HMCN1: variants seen among roughly 807,000 people sequenced by gnomAD.
HMCN1 encodes hemicentin-1.
In HMCN1, 321 loss-of-function variants were observed where a neutral mutation model predicts 625.9. That is an observed-to-expected ratio of 0.51 (90% CI 0.47 to 0.56). HMCN1 has a LOEUF of 0.56. HMCN1 is among the 20% of genes least tolerant of loss of function. The probability of loss-of-function intolerance (pLI) is 0.00; values close to 1 mark genes in which losing one functional copy is unlikely to be tolerated. For missense variants in HMCN1, 6,588 were observed against 6,887.3 expected (o/e 0.96, Z 1.54); for synonymous variants, 2,425 against 2,417.6 (o/e 1.00, Z -0.09).
chr1:185,999,898 G>A, intron 25 of HMCN1, 147 bp from the exon 26 acceptor site: 2 of 611,600 alleles, frequency 3.3e-6, no homozygotes, highest in Non-Finnish European at 5.6e-6. Context: ...ATATTTCCAT[G>A]CCAGGAGAAA....
At chr1:186,011,957 A>G (rs1028307511) in intron 30 of HMCN1, among the ~76,000 whole-genome samples, 3 of 152,170 alleles carry the variant, frequency 2.0e-5, no homozygotes, top group African/African-American at 7.2e-5. Flanking sequence ...CTGAACTCAA[A>G]AAAAGTACAA....
intron 1 of HMCN1, among the ~76,000 whole-genome samples, chr1:185,830,980 T>G (rs998037042): frequency 1.4e-4 from 22 of 152,164 alleles, no homozygotes; most frequent in African/African-American, 5.3e-4. Flanking sequence ...GCCCTGATGA[T>G]TTTATAAGGG....
At chr1:186,006,618 G>T (rs1571704913) in intron 29 of HMCN1, among the ~76,000 whole-genome samples, 1 of 151,660 alleles carries the variant, frequency 6.6e-6, no homozygotes, top group South Asian at 2.1e-4. Context: ...CTTATTTTTA[G>T]AGAAGTTGGT....
chr1:186,011,989 G>A (rs6701297), intron 30 of HMCN1, among the ~76,000 whole-genome samples: 3,682 of 152,128 alleles, frequency 0.024, 138 homozygotes, highest in African/African-American at 0.083. Context: ...CACCACTAAC[G>A]CATTGACCTG....
intron 25 of HMCN1, 149 bp downstream of exon 25, chr1:185,997,673 A>G (rs1652895508): frequency 1.5e-6 from 1 of 669,254 alleles, no homozygotes; most frequent in Non-Finnish European, 2.7e-6. Flanking sequence ...TTTTTCAGAT[A>G]ACAGCTCTTT....
At chr1:186,172,773 T>G (rs1652311969) in intron 102 of HMCN1, among the ~76,000 whole-genome samples, 1 of 152,112 alleles carries the variant, frequency 6.6e-6, no homozygotes, top group Non-Finnish European at 1.5e-5. Flanking sequence ...GAGAAAGAAA[T>G]AATTTATGGG....
rs561621274 is a variant in HMCN1 at position 186,162,807 on chromosome 1, G to T, written c.15257-2304G>T. On this transcript the variant is annotated intron_variant, in intron 97 of 106. Coordinates refer to ENST00000271588, the MANE Select transcript of HMCN1 (RefSeq NM_031935.3). The stretch of plus-strand genomic sequence containing the variant: ...TCAGAGGAGTACCCGGCCCTGTGAG[G>T]TGTCAGTCTGCCCCTACTGGGGGGT... Among the ~76,000 whole-genome samples, 63 of 152,278 alleles carry T rather than the reference G, an allele frequency of 4.1e-4. 1 individual carries two copies. The Middle Eastern group carries it at 0.01, about 25-fold the overall frequency.
chr1:186,139,628 T>C (rs944288281), intron 89 of HMCN1, among the ~76,000 whole-genome samples: 11 of 151,996 alleles, frequency 7.2e-5, no homozygotes, highest in Non-Finnish European at 1.2e-4. Context: ...TTTCTCTAGT[T>C]ATTTCCCCCA....
chr1:185,848,689 T>G (rs1209151083), intron 2 of HMCN1, among the ~76,000 whole-genome samples: 1 of 152,172 alleles, frequency 6.6e-6, no homozygotes, highest in African/African-American at 2.4e-5. Context: ...CCTTGGCTTT[T>G]GTCTCCTCCT....
At position 186,122,937 on chromosome 1, in the gene HMCN1, T is replaced by A. The variant is rs1156959363; in HGVS notation, c.12230-14T>A. On this transcript the variant is annotated splice_polypyrimidine_tract_variant and intron_variant, in intron 80 of 106. Coordinates refer to ENST00000271588, the MANE Select transcript of HMCN1 (RefSeq NM_031935.3). ...AAGATAAAGTTTGAACTTTATATTT[T>A]TTGTATATTTTAGTTCCTCCAGTCA... 1 of 1,612,286 alleles carries A rather than the reference T, an allele frequency of 6.2e-7. No homozygotes were observed. Among genetic ancestry groups the A allele is most frequent in the Non-Finnish European group, 8.5e-7 (1 of 1,179,770 alleles).
Position 186,039,867 on chromosome 1 carries a change from T to G in HMCN1, c.6168T>G (p.Ser2056=), listed in dbSNP as rs1305966131. The change falls in exon 39 of 107, where the codon TCT becomes TCG. Residue 2056 remains serine, a synonymous_variant. Coordinates refer to ENST00000271588, the MANE Select transcript of HMCN1 (RefSeq NM_031935.3). ...LKDGSPVSSF[S]NGLQVLSGGR... Reference sequence around the variant, plus strand: ...ATGGGAGTCCTGTTTCTAGTTTTTCTAATGGATTACAGGTACCTTCATTCA... The same window carrying G: ...ATGGGAGTCCTGTTTCTAGTTTTTCGAATGGATTACAGGTACCTTCATTCA... The G allele has an allele frequency of 6.2e-7, 1 of 1,613,350 alleles. No individual in the cohort carries two copies. The highest frequency in any genetic ancestry group is 8.5e-7 in the Non-Finnish European group (1 of 1,179,448).
chr1:185,846,142 GA>G, intron 2 of HMCN1, 46 bp downstream of exon 2: 1 of 1,375,560 alleles, frequency 7.3e-7, no homozygotes, highest in Non-Finnish European at 1.0e-6. Context: ...GGAAAATCAT[GA>G]GCCTTTGGCT....
At chr1:185,901,131 A>G (rs1347914099) in intron 4 of HMCN1, among the ~76,000 whole-genome samples, 1 of 151,906 alleles carries the variant, frequency 6.6e-6, no homozygotes, top group African/African-American at 2.4e-5. Context: ...ACATGACAGG[A>G]CAATGGATTT....
At chr1:186,062,222 T>C (rs1657749643) in intron 47 of HMCN1, among the ~76,000 whole-genome samples, 1 of 152,190 alleles carries the variant, frequency 6.6e-6, no homozygotes, top group African/African-American at 2.4e-5. Context: ...TGAATACATA[T>C]TAGAGTTATA....
chr1:186,105,229 T>C (rs1449377692), intron 69 of HMCN1, among the ~76,000 whole-genome samples: 1 of 152,014 alleles, frequency 6.6e-6, no homozygotes, highest in African/African-American at 2.4e-5. Flanking sequence ...TAGATATGAG[T>C]CAATAATAGA....
chr1:186,142,971 G>C (rs138285751), intron 89 of HMCN1, among the ~76,000 whole-genome samples: 1 of 152,178 alleles, frequency 6.6e-6, no homozygotes, highest in African/African-American at 2.4e-5. Flanking sequence ...AATATTTGAG[G>C]GCTATGAGCA....
chr1:185,918,801 C>A (rs1362443772), intron 6 of HMCN1, among the ~76,000 whole-genome samples: 1 of 152,088 alleles, frequency 6.6e-6, no homozygotes, highest in Non-Finnish European at 1.5e-5. Context: ...CTTCCTAGCT[C>A]AGATAAATCC....
intron 1 of HMCN1, among the ~76,000 whole-genome samples, chr1:185,754,358 A>G (rs1655005987): frequency 6.6e-6 from 1 of 152,224 alleles, no homozygotes; most frequent in African/African-American, 2.4e-5. Context: ...ATGCTTAATA[A>G]ATCAGACCAT....
At chr1:185,870,923 C>T (rs1334539632) in intron 4 of HMCN1, among the ~76,000 whole-genome samples, 1 of 152,064 alleles carries the variant, frequency 6.6e-6, no homozygotes, top group African/African-American at 2.4e-5. Flanking sequence ...AACCAAGGAG[C>T]CCTGTTGAGG....
Sources: allele counts gnomAD v4.1 joint callset (sites outside exome capture counted in the v4.1 genomes callset), GRCh38; gene constraint gnomAD v4.1.1; transcripts MANE v1.5; gene names NCBI Gene and HGNC (gene_info 2026-07-23, HGNC 2026-07-21).